GALNT17: variants seen among roughly 807,000 people sequenced by gnomAD.
GALNT17 encodes the protein polypeptide N-acetylgalactosaminyltransferase 17.
GALNT17 carries 29 observed loss-of-function variants against 63.7 expected under a neutral mutation model. The ratio of observed to expected loss-of-function variants is 0.46; its 90% CI spans 0.34 to 0.62. The LOEUF (loss-of-function observed/expected upper bound fraction) is 0.62, where lower values mean the gene tolerates loss of function less well. Among genes scored for constraint, GALNT17 ranks in the 20% least tolerant of loss-of-function variants. The pLI is 0.01. For missense variants in GALNT17, 603 were observed against 799.6 expected (o/e 0.75, Z 2.97); for synonymous variants, 305 against 318.3 (o/e 0.96, Z 0.45).
intron 5 of GALNT17, among the ~76,000 whole-genome samples, chr7:71,490,617 T>A (rs556141039): frequency 6.6e-6 from 1 of 151,844 alleles, no homozygotes; most frequent in South Asian, 2.1e-4. Context: ...ATAAACAAAT[T>A]AGCCAGGCAA....
At chr7:71,431,209 CT>C (rs1265130879) in intron 5 of GALNT17, among the ~76,000 whole-genome samples, 71,272 of 114,846 alleles carry the variant, frequency 0.62, 20,692 homozygotes, top group Admixed American at 0.68. Flanking sequence ...CTTTTCTTTT[CT>C]TTTTTTTTTT....
At position 71,348,653 on chromosome 7, in the gene GALNT17, T is replaced by C. The variant is rs991125974; in HGVS notation, c.422+12920T>C. Among the ~76,000 whole-genome samples the C allele has an allele frequency of 5.3e-5, 8 of 152,364 alleles. No individual in the cohort carries two copies. The East Asian group carries it at 7.7e-4, about 15-fold the overall frequency. On this transcript the variant is annotated intron_variant, in intron 2 of 10. Transcript: ENST00000333538. ...TATGGGACATGGAATTCGCGATTTA[T>C]TAGTTTGAATCAAACCAATGTTGAG... is the stretch of plus-strand genomic sequence containing the variant.
At chr7:71,372,752 G>A (rs1360216206) in intron 2 of GALNT17, among the ~76,000 whole-genome samples, 2 of 152,172 alleles carry the variant, frequency 1.3e-5, no homozygotes, top group Non-Finnish European at 2.9e-5. Context: ...ACTGCCCCCG[G>A]CCATAATTAT....
chr7:71,545,792 T>C (rs958192029), intron 5 of GALNT17, among the ~76,000 whole-genome samples: 16 of 152,248 alleles, frequency 1.1e-4, no homozygotes, highest in African/African-American at 3.6e-4. Context: ...GTTTATAATA[T>C]CTATTAAGAG....
intron 5 of GALNT17, among the ~76,000 whole-genome samples, chr7:71,481,149 A>AT (rs1787809973): frequency 6.6e-6 from 1 of 152,308 alleles, no homozygotes; most frequent in African/African-American, 2.4e-5. Flanking sequence ...CTGACCTTAG[A>AT]TGAAAGCTGG....
rs2116097423 is a variant in GALNT17, at chr7:71,336,455, G to C, written c.422+722G>C. Among the ~76,000 whole-genome samples the C allele has an allele frequency of 2.0e-5, 3 of 152,196 alleles. No individual in the cohort carries two copies. In the Middle Eastern group the frequency reaches 0.01, roughly 518 times the overall value. On this transcript the variant is annotated intron_variant, in intron 2 of 10. Coordinates refer to ENST00000333538, the MANE Select transcript of GALNT17 (RefSeq NM_022479.3). The stretch of plus-strand genomic sequence containing the variant: ...AGCGTACAGATCATTTCATCTCCCA[G>C]ATAACACCATAGATAGTTTCTTGAT...
At chr7:71,711,878 GTCTC>G (rs1218748409) in intron 10 of GALNT17, 136 bp from the exon 11 acceptor site, 26 of 881,326 alleles carry the variant, frequency 3.0e-5, no homozygotes, top group Admixed American at 9.0e-5. Context: ...CTCTTTCTCT[GTCTC>G]TCTCTTTCTC....
intron 6 of GALNT17, among the ~76,000 whole-genome samples, chr7:71,618,735 A>AAATATCTT (rs1790252010): frequency 6.6e-6 from 1 of 152,166 alleles, no homozygotes; most frequent in Non-Finnish European, 1.5e-5. Context: ...TATAATTTGC[A>AAATATCTT]AATATCTTCT....
intron 1 of GALNT17, among the ~76,000 whole-genome samples, chr7:71,204,103 G>A (rs1040729771): frequency 3.9e-5 from 6 of 152,044 alleles, no homozygotes; most frequent in African/African-American, 7.3e-5. Context: ...AAAAGGATCC[G>A]ACTTCATTCT....
intron 1 of GALNT17, among the ~76,000 whole-genome samples, chr7:71,302,820 A>T (rs1791225184): frequency 6.6e-6 from 1 of 152,176 alleles, no homozygotes; most frequent in African/African-American, 2.4e-5. Flanking sequence ...GCATGTAATT[A>T]ACATACTATG....
chr7:71,669,560 C>CT (rs563584462), intron 7 of GALNT17, among the ~76,000 whole-genome samples: 3,679 of 125,000 alleles, frequency 0.029, 98 homozygotes, highest in African/African-American at 0.059. Context: ...GGCTTAAGAT[C>CT]TTTTTTTTTT....
intron 1 of GALNT17, among the ~76,000 whole-genome samples, chr7:71,255,347 G>A (rs1209184231): frequency 6.6e-6 from 1 of 152,142 alleles, no homozygotes; most frequent in East Asian, 1.9e-4. Context: ...CTCTTTTCTT[G>A]TCTGCCACCA....
At chr7:71,517,466 G>A (rs1482643540) in intron 5 of GALNT17, among the ~76,000 whole-genome samples, 3 of 152,164 alleles carry the variant, frequency 2.0e-5, no homozygotes, top group Non-Finnish European at 2.9e-5. Flanking sequence ...GAGGGCCAGT[G>A]TTTCCCCTGC....
intron 6 of GALNT17, among the ~76,000 whole-genome samples, chr7:71,596,733 A>G (rs1789892240): frequency 6.6e-6 from 1 of 152,054 alleles, no homozygotes. Flanking sequence ...CACTGTGACT[A>G]TTGGAATTGC....
chr7:71,418,727 A>G (rs754547469), intron 4 of GALNT17, among the ~76,000 whole-genome samples: 15 of 152,234 alleles, frequency 9.9e-5, no homozygotes, highest in Admixed American at 5.2e-4. Context: ...TAGGCAGGAC[A>G]TCCCCAGGGA....
intron 1 of GALNT17, among the ~76,000 whole-genome samples, chr7:71,304,934 A>G (rs186817309): frequency 7.2e-4 from 109 of 152,178 alleles, no homozygotes; most frequent in Non-Finnish European, 1.9e-4. Context: ...TAGTAGACAT[A>G]GGGTTTCACC....
chr7:71,465,678 A>G (rs982567051), intron 5 of GALNT17, among the ~76,000 whole-genome samples: 8 of 152,238 alleles, frequency 5.3e-5, no homozygotes, highest in Non-Finnish European at 8.8e-5. Flanking sequence ...CACAAGAGGC[A>G]GATTCATGGA....
intron 6 of GALNT17, among the ~76,000 whole-genome samples, chr7:71,646,080 A>G (rs981095534): frequency 6.6e-6 from 1 of 152,124 alleles, no homozygotes; most frequent in African/African-American, 2.4e-5. Context: ...GTCCATGACT[A>G]GACTTGGCAT....
chr7:71,428,869 G>A (rs996398178), intron 5 of GALNT17, among the ~76,000 whole-genome samples: 21 of 152,302 alleles, frequency 1.4e-4, no homozygotes, highest in African/African-American at 4.8e-4. Context: ...CTGTGTTCCA[G>A]AGGGCACGTT....
Sources: allele counts gnomAD v4.1 joint callset (sites outside exome capture counted in the v4.1 genomes callset), GRCh38; gene constraint gnomAD v4.1.1; transcripts MANE v1.5; gene names NCBI Gene and HGNC (gene_info 2026-07-23, HGNC 2026-07-21).